FNDC3A: variants seen among roughly 807,000 people sequenced by gnomAD.
FNDC3A encodes the protein fibronectin type III domain containing 3A.
FNDC3A carries 32 observed loss-of-function variants against 148.9 expected under a neutral mutation model. The observed-to-expected ratio is 0.21, with a 90% CI of 0.16 to 0.29. The LOEUF (loss-of-function observed/expected upper bound fraction) is 0.29. FNDC3A is among the 10% of genes least tolerant of loss of function. FNDC3A has a pLI of 1.00. For missense variants in FNDC3A, 1,191 were observed against 1,452.8 expected, an observed-to-expected ratio of 0.82 and a Z score of 2.93; for synonymous variants, 472 against 473.6, an observed-to-expected ratio of 1.00 and a Z score of 0.04.
At chr13:49,110,962 A>T (rs1012406444) in intron 3 of FNDC3A, among the ~76,000 whole-genome samples, 3 of 152,202 alleles carry the variant, frequency 2.0e-5, no homozygotes, top group Admixed American at 6.5e-5. Flanking sequence ...TTTTTGAAAT[A>T]GGAAATGTAT....
chr13:49,049,425 A>C (rs1263858827), intron 2 of FNDC3A, among the ~76,000 whole-genome samples: 1 of 151,546 alleles, frequency 6.6e-6, no homozygotes, highest in Non-Finnish European at 1.5e-5. Context: ...TCAGCTGTGA[A>C]TCCATCTGGT....
intron 2 of FNDC3A, among the ~76,000 whole-genome samples, chr13:49,018,612 A>G (rs1873024614): frequency 6.6e-6 from 1 of 152,298 alleles, no homozygotes. Context: ...CGTCAAAGTC[A>G]TTCTCTGTCC....
chr13:49,190,827 A>C (rs1447154442), intron 17 of FNDC3A, among the ~76,000 whole-genome samples, 188 bp from the exon 18 acceptor site: 1 of 152,154 alleles, frequency 6.6e-6, no homozygotes, highest in Admixed American at 6.5e-5. Context: ...TGTCTATGAA[A>C]ATTTTGAGTT....
At chr13:48,990,391 A>G (rs187498243) in intron 1 of FNDC3A, among the ~76,000 whole-genome samples, 1 of 152,082 alleles carries the variant, frequency 6.6e-6, no homozygotes, top group Admixed American at 6.6e-5. Flanking sequence ...ATCTGGGCAA[A>G]TATATAGGAT....
chr13:49,128,023 AG>A (rs1881806407), intron 4 of FNDC3A, among the ~76,000 whole-genome samples: 1 of 152,154 alleles, frequency 6.6e-6, no homozygotes, highest in African/African-American at 2.4e-5. Context: ...CTGGGACTAC[AG>A]GTGCGTGCCA....
Position 49,196,994 on chromosome 13 carries a change from T to C in FNDC3A, c.2340+4T>C. On this transcript the variant is annotated splice_donor_region_variant and intron_variant, in intron 20 of 25. Coordinates refer to ENST00000492622, the MANE Select transcript of FNDC3A (RefSeq NM_001079673.2). Reference sequence around the variant, plus strand: ...TTGTGCACAAGTGAATTGGGAGGTATTGTAATTTCCATTGACTTGTATCTA... The same window carrying C: ...TTGTGCACAAGTGAATTGGGAGGTACTGTAATTTCCATTGACTTGTATCTA... 1 of 1,554,676 alleles carries C rather than the reference T, an allele frequency of 6.4e-7. No homozygotes were observed. The highest frequency in any genetic ancestry group is 8.8e-7 in the Non-Finnish European group (1 of 1,130,392).
chr13:49,188,479 C>G (rs1295755758), intron 16 of FNDC3A, 36 bp from the exon 17 acceptor site: 1 of 1,262,474 alleles, frequency 7.9e-7, no homozygotes, highest in African/African-American at 1.5e-5. Context: ...TAAACATTAC[C>G]TAGTATCTGA....
At chr13:49,176,314 T>C (rs1459128316) in intron 13 of FNDC3A, among the ~76,000 whole-genome samples, 1 of 152,212 alleles carries the variant, frequency 6.6e-6, no homozygotes, top group African/African-American at 2.4e-5. Context: ...TGAATCCATC[T>C]GGTCCTGGGC....
intron 2 of FNDC3A, among the ~76,000 whole-genome samples, chr13:49,024,304 T>A (rs1873540434): frequency 6.6e-6 from 1 of 151,972 alleles, no homozygotes; most frequent in South Asian, 2.1e-4. Context: ...CTTTAAAGAA[T>A]AATTAATACC....
intron 1 of FNDC3A, among the ~76,000 whole-genome samples, chr13:48,981,739 G>T (rs1341344757): frequency 1.3e-5 from 2 of 151,964 alleles, no homozygotes; most frequent in Non-Finnish European, 2.9e-5. Context: ...AATACAAAGT[G>T]CAATGTATAC....
At chr13:49,151,207 T>C (rs538532042) in intron 8 of FNDC3A, among the ~76,000 whole-genome samples, 12 of 152,344 alleles carry the variant, frequency 7.9e-5, no homozygotes, top group South Asian at 6.2e-4. Context: ...TATTATTTTA[T>C]TGGAGTCTGT....
At chr13:49,104,225 G>C (rs1312666775) in intron 3 of FNDC3A, among the ~76,000 whole-genome samples, 1 of 152,142 alleles carries the variant, frequency 6.6e-6, no homozygotes, top group Admixed American at 6.5e-5. Context: ...TGATTATGGT[G>C]GGTTGCAATG....
chr13:49,088,664 A>G (rs142779045), intron 3 of FNDC3A, among the ~76,000 whole-genome samples: 2 of 152,258 alleles, frequency 1.3e-5, no homozygotes, highest in African/African-American at 4.8e-5. Flanking sequence ...TTGCCCTTCT[A>G]CAGTTTATGC....
intron 2 of FNDC3A, among the ~76,000 whole-genome samples, chr13:49,071,829 G>C (rs1445721096): frequency 6.6e-6 from 1 of 151,772 alleles, no homozygotes; most frequent in Non-Finnish European, 1.5e-5. Flanking sequence ...TATTCTATGG[G>C]TTGTCTCTTC....
intron 2 of FNDC3A, among the ~76,000 whole-genome samples, chr13:49,073,606 A>G (rs1877853218): frequency 6.6e-6 from 1 of 150,910 alleles, no homozygotes; most frequent in Non-Finnish European, 1.5e-5. Flanking sequence ...TATGAAACAT[A>G]AATGATTTTT....
At chr13:49,188,659 GTGT>G (rs1885716410) in intron 17 of FNDC3A, 26 bp downstream of exon 17, 1 of 1,504,712 alleles carries the variant, frequency 6.6e-7, no homozygotes, top group Non-Finnish European at 9.2e-7. Context: ...AGATTCTTTT[GTGT>G]TGTTATTAAG....
intron 3 of FNDC3A, chr13:49,110,428 C>A: frequency 6.8e-7 from 1 of 1,469,864 alleles, no homozygotes; most frequent in South Asian, 1.1e-5. Context: ...TGTTTTCGAA[C>A]ATTCTGCTTT....
intron 2 of FNDC3A, among the ~76,000 whole-genome samples, chr13:49,074,675 A>C (rs1221460210): frequency 6.6e-6 from 1 of 152,132 alleles, no homozygotes; most frequent in Non-Finnish European, 1.5e-5. Flanking sequence ...TTGTATCTAG[A>C]ATTTAAGGGA....
At chr13:48,983,260 G>A (rs982989597) in intron 1 of FNDC3A, among the ~76,000 whole-genome samples, 2 of 152,094 alleles carry the variant, frequency 1.3e-5, no homozygotes, top group East Asian at 3.8e-4. Context: ...ATATTTAAAT[G>A]CAAAATGTTT....
Sources: gnomAD v4.1 joint callset for allele counts (sites outside exome capture counted in the v4.1 genomes callset) on GRCh38, gnomAD v4.1.1 for gene constraint, MANE v1.5 for transcripts, NCBI Gene and HGNC (gene_info 2026-07-23, HGNC 2026-07-21) for gene names.